USP47: variants seen among roughly 807,000 people sequenced by gnomAD.
USP47 encodes ubiquitin specific peptidase 47.
Under a neutral mutation model 165.1 loss-of-function variants are expected in USP47, and 35 were observed. The observed-to-expected ratio is 0.21, with a 90% CI of 0.16 to 0.28. USP47 has a LOEUF of 0.28. Ranked by LOEUF, USP47 falls within the 10% of genes least tolerant of loss-of-function variation. USP47 has a pLI of 1.00. For synonymous variants in USP47, 531 were observed against 544.5 expected (o/e 0.98, Z 0.35); for missense variants, 1,277 against 1,607.4 (o/e 0.79, Z 3.52).
At chr11:11,848,808 A>C (rs1010777997) in intron 1 of USP47, among the ~76,000 whole-genome samples, 2 of 151,968 alleles carry the variant, frequency 1.3e-5, no homozygotes, top group Admixed American at 1.3e-4. Flanking sequence ...ATGGGGTTTC[A>C]CAGTGTTAGC....
Position 11,942,923 on chromosome 11 carries a change from C to A in USP47, c.2902C>A (p.His968Asn), listed in dbSNP as rs767328067. 1.2e-6 allele frequency: 2 copies of A among 1,613,420 alleles called. No individual in the cohort carries two copies. Among genetic ancestry groups the A allele is most frequent in the East Asian group, 4.5e-5 (2 of 44,856 alleles). Residue 968 changes from histidine (H) to asparagine (N), a missense_variant, in exon 20 of 28, where the codon CAC (histidine) becomes AAC (asparagine). Around this residue, in one of 4 missense-constraint regions of USP47, gnomAD observed 909 missense variants for 1,068.1 expected, o/e 0.85. Transcript: ENST00000527733. The part of the protein sequence containing the change: ...QIPLANGLDS[H>N]SITSSRRTKA... ...CCCTTTGGCTAATGGACTTGACTCTCACAGTATCACAAGTAGTAGAAGAAC... is the reference window on the plus strand; with the variant it reads ...CCCTTTGGCTAATGGACTTGACTCTAACAGTATCACAAGTAGTAGAAGAAC...
intron 8 of USP47, among the ~76,000 whole-genome samples, chr11:11,918,936 C>T (rs140906781): frequency 4.3e-4 from 66 of 151,866 alleles, no homozygotes; most frequent in Non-Finnish European, 6.8e-4. Flanking sequence ...ATAGAACTTT[C>T]CTTTTTCCCC....
At chr11:11,880,866 T>G (rs1850780988) in intron 2 of USP47, among the ~76,000 whole-genome samples, 1 of 152,146 alleles carries the variant, frequency 6.6e-6, no homozygotes, top group Admixed American at 6.6e-5. Flanking sequence ...CTATGTGCAT[T>G]TCTGGGCAAC....
chr11:11,922,614 A>G, intron 10 of USP47, 110 bp from the exon 11 acceptor site: 4 of 802,124 alleles, frequency 5.0e-6, no homozygotes, highest in Non-Finnish European at 7.0e-6. Flanking sequence ...AAATATTTTT[A>G]CTAATATGTT....
intron 1 of USP47, among the ~76,000 whole-genome samples, chr11:11,861,848 A>G (rs1849403528): frequency 6.6e-6 from 1 of 152,218 alleles, no homozygotes; most frequent in South Asian, 2.1e-4. Context: ...AATGTGATAT[A>G]GTGACATGTA....
intron 8 of USP47, among the ~76,000 whole-genome samples, chr11:11,919,040 G>A (rs550557236): frequency 1.4e-3 from 104 of 72,572 alleles, no homozygotes; most frequent in Admixed American, 0.013. Flanking sequence ...AAACCCAGCC[G>A]TTTGGTTTCT....
chr11:11,940,403 T>C, intron 18 of USP47, 26 bp from the exon 19 acceptor site: 2 of 1,568,390 alleles, frequency 1.3e-6, no homozygotes, highest in African/African-American at 2.7e-5. Flanking sequence ...GAAAGAGTAC[T>C]TTTTATTAAA....
chr11:11,915,425 G>A (rs1853342348), intron 8 of USP47, among the ~76,000 whole-genome samples: 1 of 152,068 alleles, frequency 6.6e-6, no homozygotes, highest in African/African-American at 2.4e-5. Context: ...TCTTTTGACG[G>A]GTGTTGAATA....
chr11:11,877,168 C>A (rs1850485597), intron 1 of USP47, among the ~76,000 whole-genome samples: 1 of 151,592 alleles, frequency 6.6e-6, no homozygotes, highest in African/African-American at 2.4e-5. Flanking sequence ...AAAACTATTG[C>A]CATATCTTAT....
chr11:11,884,418 CTTATT>C lies in USP47; in HGVS notation c.244-44_244-40del, dbSNP rs775697165. Reference sequence around the variant, plus strand: ...TAGATATGTATCTATTTACAGATTACTTATTTTATGTTTCTCATAATCTGAAACAT... The same window carrying C: ...TAGATATGTATCTATTTACAGATTACTTATGTTTCTCATAATCTGAAACAT... On this transcript the variant is annotated intron_variant, in intron 2 of 27. Coordinates refer to ENST00000527733, the MANE Select transcript of USP47 (RefSeq NM_001282659.2). The C allele has an allele frequency of 4.7e-5, 62 of 1,332,824 alleles. No individual in the cohort carries two copies. In the Admixed American group the frequency reaches 5.0e-4, roughly 11 times the overall value. The allele number at this position is 1,332,824 out of a possible 1,614,324, so 82.6% of individuals were successfully genotyped here. A position where few individuals can be genotyped will look rare whatever the true frequency, so the allele number is the denominator to read the frequency against.
At chr11:11,875,033 T>TTGTATGTGTGTGTGTG (rs1491193505) in intron 1 of USP47, among the ~76,000 whole-genome samples, 1 of 95,356 alleles carries the variant, frequency 1.0e-5, no homozygotes, top group Non-Finnish European at 2.3e-5. Flanking sequence ...AATTGACTTA[T>TTGTATGTGTGTGTGTG]TGTGTGTGTG....
intron 11 of USP47, among the ~76,000 whole-genome samples, chr11:11,924,835 A>G (rs1854116430): frequency 6.6e-6 from 1 of 151,748 alleles, no homozygotes; most frequent in African/African-American, 2.4e-5. Flanking sequence ...GATACTGGCA[A>G]TTTGTGTCGT....
intron 11 of USP47, among the ~76,000 whole-genome samples, chr11:11,926,619 C>T (rs1163732221): frequency 6.7e-6 from 1 of 149,106 alleles, no homozygotes; most frequent in Non-Finnish European, 1.5e-5. Context: ...AAAAAGCCAG[C>T]TCTTAGTTTC....
intron 1 of USP47, chr11:11,856,343 G>C (rs887641491): frequency 1.1e-4 from 17 of 152,038 alleles, no homozygotes; most frequent in East Asian, 3.9e-4. Flanking sequence ...CCAAAAATTT[G>C]CATACAAATC....
chr11:11,852,197 A>G (rs1352581454), intron 1 of USP47, among the ~76,000 whole-genome samples: 1 of 152,168 alleles, frequency 6.6e-6, no homozygotes, highest in Non-Finnish European at 1.5e-5. Context: ...GCCTGCAGCA[A>G]TTATTACTGT....
At chr11:11,851,252 A>G (rs1386595369) in intron 1 of USP47, among the ~76,000 whole-genome samples, 1 of 149,236 alleles carries the variant, frequency 6.7e-6, no homozygotes, top group Non-Finnish European at 1.5e-5. Context: ...GGCACCCTTC[A>G]AATTCAATTG....
chr11:11,928,631 T>C (rs1449485882), intron 11 of USP47, among the ~76,000 whole-genome samples: 1 of 152,090 alleles, frequency 6.6e-6, no homozygotes, highest in Non-Finnish European at 1.5e-5. Context: ...GTTTCTGTCT[T>C]CCTACCTGTT....
At chr11:11,952,668 G>A (rs1856297874) in intron 24 of USP47, 73 bp from the exon 25 acceptor site, 1 of 1,372,470 alleles carries the variant, frequency 7.3e-7, no homozygotes, top group Admixed American at 2.6e-5. Context: ...TGTTTAGTAA[G>A]GCACTAAGGG....
At chr11:11,911,324 A>C in intron 8 of USP47, among the ~76,000 whole-genome samples, 1 of 152,210 alleles carries the variant, frequency 6.6e-6, no homozygotes, top group Admixed American at 6.6e-5. Flanking sequence ...AAAGGAGATT[A>C]ATAAGGAAAA....
Sources: allele counts gnomAD v4.1 joint callset (sites outside exome capture counted in the v4.1 genomes callset), GRCh38; gene constraint gnomAD v4.1.1; regional missense constraint gnomAD v4.1.1; transcripts MANE v1.5; gene names NCBI Gene and HGNC (gene_info 2026-07-23, HGNC 2026-07-21).